Variants in NWD2 observed in about 807,000 individuals in gnomAD.
The protein encoded by NWD2 is NACHT and WD repeat domain containing 2.
In NWD2, 37 loss-of-function variants were observed where a neutral mutation model predicts 132.7. That is an observed-to-expected ratio of 0.28 (90% CI 0.21 to 0.37). The LOEUF (loss-of-function observed/expected upper bound fraction) is 0.37. Ranked by LOEUF, NWD2 falls within the 10% of genes least tolerant of loss-of-function variation. The pLI is 1.00. For missense variants in NWD2, 1,592 were observed against 2,122.4 expected (o/e 0.75, Z 4.91); for synonymous variants, 705 against 803.0 (o/e 0.88, Z 2.06).
intron 1 of NWD2, among the ~76,000 whole-genome samples, chr4:37,289,260 A>G (rs913220846): frequency 5.3e-5 from 8 of 152,200 alleles, no homozygotes; most frequent in African/African-American, 1.9e-4. Flanking sequence ...GGGATGATAT[A>G]AATTGGAAAT....
intron 1 of NWD2, among the ~76,000 whole-genome samples, chr4:37,315,571 A>G (rs10001995): frequency 2.0e-5 from 3 of 151,788 alleles, no homozygotes; most frequent in East Asian, 3.9e-4. Flanking sequence ...TACTTTCAAC[A>G]TATTTGTGGT....
At chr4:37,442,736 AT>A (rs1156287875) in intron 6 of NWD2, among the ~76,000 whole-genome samples, 1 of 152,210 alleles carries the variant, frequency 6.6e-6, no homozygotes, top group Admixed American at 6.5e-5. Flanking sequence ...AAAAGATTAT[AT>A]TCAAAGTAAT....
At chr4:37,289,568 A>T (rs1472429605) in intron 1 of NWD2, among the ~76,000 whole-genome samples, 4 of 152,208 alleles carry the variant, frequency 2.6e-5, no homozygotes, top group African/African-American at 9.6e-5. Flanking sequence ...GGCAATTATC[A>T]GTGTATTCTG....
chr4:37,350,219 A>G (rs1719732265), intron 2 of NWD2, among the ~76,000 whole-genome samples: 1 of 152,220 alleles, frequency 6.6e-6, no homozygotes, highest in Admixed American at 6.5e-5. Flanking sequence ...AATTCTGTGA[A>G]GAAAGTCAAT....
At chr4:37,415,524 G>A (rs1449745737) in intron 3 of NWD2, among the ~76,000 whole-genome samples, 1 of 152,082 alleles carries the variant, frequency 6.6e-6, no homozygotes, top group Non-Finnish European at 1.5e-5. Context: ...CTAACACGGT[G>A]ACACCCTGCC....
intron 1 of NWD2, among the ~76,000 whole-genome samples, chr4:37,259,850 C>T (rs1258381176): frequency 2.0e-5 from 3 of 152,176 alleles, no homozygotes; most frequent in African/African-American, 4.8e-5. Flanking sequence ...TCCTCCCCTC[C>T]AGGGAAGGAG....
chr4:37,384,386 T>C (rs1158325867), intron 3 of NWD2, among the ~76,000 whole-genome samples: 1 of 152,228 alleles, frequency 6.6e-6, no homozygotes, highest in Admixed American at 6.5e-5. Context: ...GGGTTTGTAA[T>C]AATTTTATTG....
intron 3 of NWD2, among the ~76,000 whole-genome samples, chr4:37,372,903 A>G (rs1288144924): frequency 6.6e-6 from 1 of 152,212 alleles, no homozygotes; most frequent in Non-Finnish European, 1.5e-5. Context: ...TATATTTTGA[A>G]TGCCCTCTGA....
At position 37,320,707 on chromosome 4, in the gene NWD2, G is replaced by A. The variant is rs79559860; in HGVS notation, c.152-5229G>A. Reference sequence around the variant, plus strand: ...CACAACCCCAGAAGTCGAACAGGCTGTCCATATGAATCATTAACTAAGAGG... The same window carrying A: ...CACAACCCCAGAAGTCGAACAGGCTATCCATATGAATCATTAACTAAGAGG... On this transcript the variant is annotated intron_variant, in intron 1 of 6. Coordinates refer to ENST00000309447, the MANE Select transcript of NWD2 (RefSeq NM_001144990.2). Among the ~76,000 whole-genome samples, 1,162 of 152,234 alleles carry A rather than the reference G, an allele frequency of 7.6e-3. 9 individuals are homozygous for A. The highest frequency in any genetic ancestry group is 0.012 in the Non-Finnish European group (840 of 68,000).
Position 37,303,758 on chromosome 4 carries a change from C to T in NWD2, c.152-22178C>T, listed in dbSNP as rs1042863414. Among the ~76,000 whole-genome samples the T allele has an allele frequency of 7.9e-5, 12 of 152,200 alleles. No individual in the cohort carries two copies. In the East Asian group the frequency reaches 2.3e-3, roughly 29 times the overall value. On this transcript the variant is annotated intron_variant, in intron 1 of 6. Transcript: ENST00000309447. The stretch of plus-strand genomic sequence containing the variant: ...TTCGTTTTGGTGTATAGAAACACTA[C>T]TGATTTTTATATGTTGATTTTGTAT...
intron 4 of NWD2, among the ~76,000 whole-genome samples, chr4:37,431,378 A>T (rs965222121): frequency 6.6e-6 from 1 of 152,238 alleles, no homozygotes; most frequent in South Asian, 2.1e-4. Flanking sequence ...AGCAACATGG[A>T]TGAACCTGGA....
intron 2 of NWD2, among the ~76,000 whole-genome samples, chr4:37,348,914 A>C (rs1443581374): frequency 6.6e-6 from 1 of 151,034 alleles, no homozygotes; most frequent in African/African-American, 2.4e-5. Flanking sequence ...ACTCCCACTT[A>C]TGAGTGAGAC....
At position 37,304,467 on chromosome 4, in the gene NWD2, G is replaced by A. The variant is rs141192869; in HGVS notation, c.152-21469G>A. Among the ~76,000 whole-genome samples, 583 of 152,266 alleles carry A rather than the reference G, an allele frequency of 3.8e-3. 5 individuals carry two copies. Among genetic ancestry groups the A allele is most frequent in the African/African-American group, 0.013 (553 of 41,552 alleles). ...TATTCATTTCAGCATTAATTCAAAT[G>A]TCTGAGTACAAACTCTGAGACAAGG... On this transcript the variant is annotated intron_variant, in intron 1 of 6. Coordinates refer to ENST00000309447, the MANE Select transcript of NWD2 (RefSeq NM_001144990.2).
At chr4:37,335,338 G>T (rs1437119503) in intron 2 of NWD2, among the ~76,000 whole-genome samples, 2 of 149,694 alleles carry the variant, frequency 1.3e-5, no homozygotes, top group Admixed American at 6.6e-5. Flanking sequence ...AGGCAAATGA[G>T]TAGAAAAATT....
rs777021296 is a variant in NWD2, at chr4:37,446,822, G to T, written c.4834G>T (p.Ala1612Ser). The T allele has an allele frequency of 1.7e-5, 26 of 1,551,882 alleles. No individual in the cohort carries two copies. The highest frequency in any genetic ancestry group is 1.7e-4 in the Middle Eastern group (1 of 5,996). The stretch of plus-strand genomic sequence containing the variant: ...ACTGGCAGATGGCAAAAATATCGGT[G>T]CTTGTTCCCTTTACAAAACACCAAC... ...MRLADGKNIGACSLYKTPTFL... is the reference protein window; with the variant it reads ...MRLADGKNIGSCSLYKTPTFL... Residue 1612 changes from alanine to serine, a missense_variant, in exon 7 of 7, where the codon GCT becomes TCT. Coordinates refer to ENST00000309447, the MANE Select transcript of NWD2 (RefSeq NM_001144990.2). This position sits in a 1 kb window ranked among gnomAD's most constrained non-coding sequence, Gnocchi z 6.7.
intron 2 of NWD2, among the ~76,000 whole-genome samples, chr4:37,351,003 A>G (rs1168846939): frequency 6.6e-6 from 1 of 151,918 alleles, no homozygotes; most frequent in Non-Finnish European, 1.5e-5. Flanking sequence ...TGTATGTTGA[A>G]CCAGCCTTGC....
intron 2 of NWD2, among the ~76,000 whole-genome samples, chr4:37,330,685 G>T (rs564879395): frequency 1.3e-5 from 2 of 152,268 alleles, no homozygotes; most frequent in Non-Finnish European, 2.9e-5. Context: ...GTTCTTGTTT[G>T]TTTTTAAGTC....
intron 1 of NWD2, among the ~76,000 whole-genome samples, chr4:37,301,616 A>G (rs1718613286): frequency 6.6e-6 from 1 of 150,950 alleles, no homozygotes; most frequent in African/African-American, 2.4e-5. Flanking sequence ...TTTAATTTTA[A>G]TGTTTTTTTA....
At chr4:37,412,829 C>T (rs908965978) in intron 3 of NWD2, among the ~76,000 whole-genome samples, 20 of 152,192 alleles carry the variant, frequency 1.3e-4, no homozygotes, top group South Asian at 2.1e-4. Flanking sequence ...TAACACCACA[C>T]ATCTACAACC....
Sources: allele counts gnomAD v4.1 joint callset (sites outside exome capture counted in the v4.1 genomes callset), GRCh38; gene constraint gnomAD v4.1.1; non-coding constraint Gnocchi (gnomAD v3.1); transcripts MANE v1.5; gene names NCBI Gene and HGNC (gene_info 2026-07-23, HGNC 2026-07-21).